Variants in LMNB1 observed in about 807,000 individuals in gnomAD.
The protein encoded by LMNB1 is lamin B1.
A neutral mutation model predicts 67.1 loss-of-function variants in LMNB1; 23 were observed. The observed-to-expected ratio is 0.34, with a 90% CI of 0.25 to 0.49. The LOEUF (loss-of-function observed/expected upper bound fraction) is 0.49. Ranked by LOEUF, LMNB1 falls within the 20% of genes least tolerant of loss-of-function variation. The pLI is 0.99. For missense variants in LMNB1, 634 were observed against 746.5 expected (o/e 0.85, Z 1.76); for synonymous variants, 281 against 282.9 (o/e 0.99, Z 0.07).
intron 1 of LMNB1, among the ~76,000 whole-genome samples, chr5:126,778,238 C>T (rs1296826438): frequency 6.6e-6 from 1 of 151,836 alleles, no homozygotes; most frequent in East Asian, 2.0e-4. Flanking sequence ...AGCTGGAGCG[C>T]GAGCGCGCGC....
intron 1 of LMNB1, among the ~76,000 whole-genome samples, chr5:126,786,139 G>C (rs902891065): frequency 9.8e-6 from 1 of 102,182 alleles, no homozygotes; most frequent in Non-Finnish European, 2.1e-5. Flanking sequence ...TTTTGATGCA[G>C]AGTCTGGCTC....
chr5:126,816,106 T>C (rs72780210), intron 5 of LMNB1, among the ~76,000 whole-genome samples: 6,601 of 152,240 alleles, frequency 0.043, 160 homozygotes, highest in Middle Eastern at 0.065. Flanking sequence ...GACTTTTTTT[T>C]TTTCTTTTGG....
intron 5 of LMNB1, among the ~76,000 whole-genome samples, chr5:126,812,154 G>A (rs982911926): frequency 1.6e-4 from 25 of 152,312 alleles, no homozygotes; most frequent in African/African-American, 6.0e-4. Context: ...GAAGGAGCCT[G>A]CTAGTTTATT....
chr5:126,811,115 T>TA (rs1751568675), intron 4 of LMNB1, among the ~76,000 whole-genome samples: 1 of 152,212 alleles, frequency 6.6e-6, no homozygotes, highest in Admixed American at 6.5e-5. Flanking sequence ...TGAAAGATCT[T>TA]ATTATAAGCA....
chr5:126,830,846 A>G (rs754577672), intron 9 of LMNB1, among the ~76,000 whole-genome samples: 1 of 152,226 alleles, frequency 6.6e-6, no homozygotes, highest in Non-Finnish European at 1.5e-5. Flanking sequence ...TTTCTGCTTT[A>G]TATGCTGCTA....
intron 5 of LMNB1, among the ~76,000 whole-genome samples, chr5:126,814,076 G>A (rs1751645106): frequency 6.6e-6 from 1 of 152,016 alleles, no homozygotes; most frequent in Non-Finnish European, 1.5e-5. Flanking sequence ...TGTATTTTTG[G>A]TAGAGACAGG....
At chr5:126,795,563 C>CT (rs1751066076) in intron 1 of LMNB1, among the ~76,000 whole-genome samples, 1 of 152,174 alleles carries the variant, frequency 6.6e-6, no homozygotes. Flanking sequence ...ATATATTTCT[C>CT]TAAGAGTTCC....
intron 1 of LMNB1, among the ~76,000 whole-genome samples, chr5:126,799,775 G>A (rs575457815): frequency 6.6e-6 from 1 of 152,332 alleles, no homozygotes; most frequent in African/African-American, 2.4e-5. Flanking sequence ...ACTCTCCTGT[G>A]TACCTGTGCA....
Position 126,819,233 on chromosome 5 carries a change from A to G in LMNB1, c.1160+91A>G. ...TAAAAATAAATAGCATTTTAAAAAG[A>G]ACTTTATTTTCTTGGTCATTTCTTT... On this transcript the variant is annotated intron_variant, in intron 6 of 10. Coordinates refer to ENST00000261366, the MANE Select transcript of LMNB1 (RefSeq NM_005573.4). The G allele has an allele frequency of 3.6e-6, 3 of 838,004 alleles. No individual in the cohort carries two copies. In the East Asian group the frequency reaches 8.0e-5, roughly 22 times the overall value. 51.9% of individuals were successfully genotyped at this position (838,004 alleles called of 1,614,324 possible). A position where few individuals can be genotyped will look rare whatever the true frequency, so the allele number is the denominator to read the frequency against.
chr5:126,791,948 G>GTGA lies in LMNB1; in HGVS notation c.360-12828_360-12827insTGA, dbSNP rs1268972458. 7.5e-4 allele frequency among the ~76,000 whole-genome samples: 113 copies of GTGA among 150,854 alleles called. 1 individual carries two copies. The highest frequency in any genetic ancestry group is 2.7e-3 in the African/African-American group (111 of 40,616). ...CAGGTGCCCACCATGACACCGGGCT[G>GTGA]ATTTTCGTATTTTTAGTAGAGACGG... On this transcript the variant is annotated intron_variant, in intron 1 of 10. Coordinates refer to ENST00000261366, the MANE Select transcript of LMNB1 (RefSeq NM_005573.4).
Position 126,777,830 on chromosome 5 carries a change from G to A in LMNB1, c.322G>A (p.Gly108Ser), listed in dbSNP as rs1216032166. Residue 108 changes from glycine to serine, a missense_variant, in exon 1 of 11, where the codon GGC becomes AGC. By Grantham distance (56) the Gly-to-Ser change is moderately conservative (BLOSUM62 0). Coordinates refer to ENST00000261366, the MANE Select transcript of LMNB1 (RefSeq NM_005573.4). ...RERAKLQIEL[G>S]KCKAEHDQLL... The stretch of plus-strand genomic sequence containing the variant: ...GCGCGCCAAGCTGCAGATCGAGCTG[G>A]GCAAGTGCAAGGCGGAACACGACCA... 5.4e-6 allele frequency: 8 copies of A among 1,475,156 alleles called. No homozygotes were observed. The highest frequency in any genetic ancestry group is 4.0e-5 in the South Asian group (3 of 74,820). The allele number at this position is 1,475,156 out of a possible 1,614,324, so 91.4% of individuals were successfully genotyped here. A position where few individuals can be genotyped will look rare whatever the true frequency, so the allele number is the denominator to read the frequency against.
chr5:126,805,486 A>G, intron 2 of LMNB1, 85 bp from the exon 3 acceptor site: 1 of 891,816 alleles, frequency 1.1e-6, no homozygotes, highest in East Asian at 2.6e-5. Context: ...TTAACACTTG[A>G]TTTGATTTGA....
rs1316037218 is a variant in LMNB1 at position 126,777,301 on chromosome 5, C to G, written c.-208C>G. ...GTATTTCGCGATCGATCGATTGATT[C>G]GTAGTTCCCCCCCGCGCGCCTTTGC... On this transcript the variant is annotated 5_prime_UTR_variant, in exon 1 of 11. Transcript: ENST00000261366. The G allele has an allele frequency of 7.5e-6, 3 of 399,294 alleles. No individual in the cohort carries two copies. Among genetic ancestry groups the G allele is most frequent in the Non-Finnish European group, 8.6e-6 (2 of 233,236 alleles). 24.7% of individuals were successfully genotyped at this position (399,294 alleles called of 1,614,324 possible). A position where few individuals can be genotyped will look rare whatever the true frequency, so the allele number is the denominator to read the frequency against.
chr5:126,818,521 C>T (rs141362812), intron 5 of LMNB1, among the ~76,000 whole-genome samples: 3 of 152,258 alleles, frequency 2.0e-5, no homozygotes, highest in East Asian at 1.9e-4. Flanking sequence ...GGATTACAGG[C>T]GTAAGCCACC....
chr5:126,822,731 ACTTTCTTTAT>A, intron 7 of LMNB1, 40 bp from the exon 8 acceptor site: 1 of 1,128,898 alleles, frequency 8.9e-7, no homozygotes, highest in South Asian at 1.3e-5. Flanking sequence ...TTATTCCACA[ACTTTCTTTAT>A]CTTTGAAGTA....
chr5:126,800,308 G>A (rs546661060), intron 1 of LMNB1, among the ~76,000 whole-genome samples: 1 of 152,258 alleles, frequency 6.6e-6, no homozygotes, highest in Admixed American at 6.5e-5. Flanking sequence ...GTGGAGCCCA[G>A]AAAGGTACAT....
At chr5:126,784,549 G>A (rs1222490380) in intron 1 of LMNB1, among the ~76,000 whole-genome samples, 2 of 148,268 alleles carry the variant, frequency 1.3e-5, no homozygotes, top group South Asian at 2.1e-4. Context: ...TAGAGATGGG[G>A]TTTCACCATC....
intron 2 of LMNB1, 105 bp from the exon 3 acceptor site, chr5:126,805,466 T>C (rs1402230621): frequency 2.7e-6 from 2 of 751,532 alleles, no homozygotes; most frequent in South Asian, 1.9e-5. Flanking sequence ...TTGATAAATA[T>C]ATAGGAATTT....
At chr5:126,784,551 T>C (rs1034023520) in intron 1 of LMNB1, among the ~76,000 whole-genome samples, 1 of 150,862 alleles carries the variant, frequency 6.6e-6, no homozygotes, top group Non-Finnish European at 1.5e-5. Context: ...GAGATGGGGT[T>C]TCACCATCTT....
Sources: gnomAD v4.1 joint callset for allele counts (sites outside exome capture counted in the v4.1 genomes callset) on GRCh38, gnomAD v4.1.1 for gene constraint, MANE v1.5 for transcripts, NCBI Gene and HGNC (gene_info 2026-07-23, HGNC 2026-07-21) for gene names.